EYA3: variants seen among roughly 807,000 people sequenced by gnomAD.
The protein encoded by EYA3 is protein phosphatase EYA3.
Under a neutral mutation model 80.0 loss-of-function variants are expected in EYA3, and 39 were observed. That is an observed-to-expected ratio of 0.49 (90% confidence interval 0.38 to 0.64). The LOEUF is 0.64. EYA3 is among the 30% of genes least tolerant of loss of function. The pLI is 0.00. For missense variants in EYA3, 523 were observed against 676.1 expected (o/e 0.77, Z 2.51); for synonymous variants, 206 against 232.8 (o/e 0.88, Z 1.05).
intron 6 of EYA3, among the ~76,000 whole-genome samples, chr1:28,028,194 T>A (rs1243960133): frequency 6.6e-6 from 1 of 152,156 alleles, no homozygotes; most frequent in Non-Finnish European, 1.5e-5. Context: ...TGGGGGAAAT[T>A]GACCAGGATT....
chr1:27,975,679 G>A (rs901400661), intron 17 of EYA3, among the ~76,000 whole-genome samples: 1 of 151,264 alleles, frequency 6.6e-6, no homozygotes, highest in African/African-American at 2.4e-5. Context: ...TAGAGATGGG[G>A]TTTCACCGTG....
Position 28,057,979 on chromosome 1 carries a change from A to C in EYA3, c.33+15T>G, listed in dbSNP as rs763289350. 6.5e-7 allele frequency: 1 copy of C among 1,548,496 alleles called. No individual in the cohort carries two copies. Among genetic ancestry groups the C allele is most frequent in the Non-Finnish European group, 8.8e-7 (1 of 1,134,100 alleles). ...CTTCTACAATCAACTTTAAACTGTTAAAGGAAATACTTACTGGTTGCTCTG... is the reference window on the plus strand; with the variant it reads ...CTTCTACAATCAACTTTAAACTGTTCAAGGAAATACTTACTGGTTGCTCTG... On this transcript the variant is annotated intron_variant, in intron 2 of 17. Transcript: ENST00000373871.
chr1:28,018,754 A>C (rs1340092211), intron 7 of EYA3, among the ~76,000 whole-genome samples: 2 of 152,262 alleles, frequency 1.3e-5, no homozygotes, highest in African/African-American at 4.8e-5. Context: ...GAAGAATTAA[A>C]GTAACTTGTC....
intron 1 of EYA3, among the ~76,000 whole-genome samples, chr1:28,073,151 T>C (rs1442870005): frequency 5.4e-4 from 52 of 96,512 alleles, no homozygotes; most frequent in South Asian, 1.3e-3. Context: ...TTTTTTTTTT[T>C]AGATAGAGTT....
At chr1:28,081,695 C>T (rs1645435211) in intron 1 of EYA3, among the ~76,000 whole-genome samples, 1 of 152,030 alleles carries the variant, frequency 6.6e-6, no homozygotes. Flanking sequence ...GGGAGGGGCA[C>T]AACAGGTGAA....
chr1:28,024,605 C>T (rs1240952323), intron 7 of EYA3, among the ~76,000 whole-genome samples: 1 of 147,514 alleles, frequency 6.8e-6, no homozygotes, highest in African/African-American at 2.5e-5. Flanking sequence ...TGTAGTGAGC[C>T]GAGAGCATGC....
In EYA3 at chr1:28,021,895, G is replaced by A. The variant is rs191957154; in HGVS notation, c.500-4656C>T. ...GCTGGGATTACAGGCATGAGCCACC[G>A]CGCCCAGCCTAAAATCATTATTTTC... On this transcript the variant is annotated intron_variant, in intron 7 of 17. Coordinates refer to ENST00000373871, the MANE Select transcript of EYA3 (RefSeq NM_001990.4). Among the ~76,000 whole-genome samples the A allele has an allele frequency of 9.2e-5, 14 of 152,116 alleles. No homozygotes were observed. The East Asian group carries it at 1.4e-3, about 15-fold the overall frequency.
intron 16 of EYA3, among the ~76,000 whole-genome samples, chr1:27,981,308 A>G (rs72875035): frequency 1.7e-3 from 263 of 152,300 alleles, no homozygotes; most frequent in African/African-American, 3.8e-3. Flanking sequence ...GACTGAGGAA[A>G]AATACCAAAT....
chr1:28,049,673 G>C (rs1201027310), intron 2 of EYA3, among the ~76,000 whole-genome samples: 1 of 152,090 alleles, frequency 6.6e-6, no homozygotes, highest in Non-Finnish European at 1.5e-5. Flanking sequence ...CAATGTATAC[G>C]ACTATCTCAC....
At chr1:28,066,624 CTA>C (rs1265250157) in intron 1 of EYA3, among the ~76,000 whole-genome samples, 1 of 151,662 alleles carries the variant, frequency 6.6e-6, no homozygotes, top group Non-Finnish European at 1.5e-5. Flanking sequence ...GCTTATCTCA[CTA>C]TGGAAAAGAG....
At chr1:28,035,981 A>G (rs904520701) in intron 5 of EYA3, among the ~76,000 whole-genome samples, 1 of 151,996 alleles carries the variant, frequency 6.6e-6, no homozygotes, top group Non-Finnish European at 1.5e-5. Flanking sequence ...TGCCTGGCTA[A>G]TTTTTGTATT....
At chr1:28,070,979 A>G (rs1196603346) in intron 1 of EYA3, among the ~76,000 whole-genome samples, 2 of 152,128 alleles carry the variant, frequency 1.3e-5, no homozygotes, top group Non-Finnish European at 2.9e-5. Context: ...CTGGAGTGCA[A>G]TGGCGCACTC....
intron 17 of EYA3, chr1:27,977,212 AG>A (rs1007000320): frequency 6.7e-7 from 1 of 1,501,948 alleles, no homozygotes; most frequent in Non-Finnish European, 8.9e-7. Context: ...TGAAAAAATA[AG>A]GATCCCTGAA....
intron 1 of EYA3, among the ~76,000 whole-genome samples, chr1:28,068,041 A>T (rs575265360): frequency 6.6e-6 from 1 of 152,316 alleles, no homozygotes; most frequent in African/African-American, 2.4e-5. Context: ...AATTGAGCAT[A>T]AAACCCTCCC....
chr1:28,061,630 C>T lies in EYA3; in HGVS notation c.-68-3536G>A, dbSNP rs148727882. On this transcript the variant is annotated intron_variant, in intron 1 of 17. Coordinates refer to ENST00000373871, the MANE Select transcript of EYA3 (RefSeq NM_001990.4). ...TCTTTTGTTTTTTGAGATGGAGTCT[C>T]GCTCTGTCGCCCAGGCTGGAGTGCA... Among the ~76,000 whole-genome samples the T allele has an allele frequency of 6.9e-3, 1,036 of 150,696 alleles. 5 individuals are homozygous for T. The highest frequency in any genetic ancestry group is 0.01 in the Non-Finnish European group (708 of 67,770).
intron 1 of EYA3, among the ~76,000 whole-genome samples, chr1:28,079,581 C>T (rs1645348024): frequency 6.6e-6 from 1 of 152,184 alleles, no homozygotes; most frequent in East Asian, 1.9e-4. Context: ...GATAGAAGCT[C>T]AGCATACAAC....
intron 1 of EYA3, among the ~76,000 whole-genome samples, chr1:28,083,113 G>A (rs1486884932): frequency 6.6e-6 from 1 of 152,176 alleles, no homozygotes; most frequent in Non-Finnish European, 1.5e-5. Context: ...GATTAACTCA[G>A]GAGCCAAAAA....
chr1:28,035,706 C>T, intron 5 of EYA3, 26 bp from the exon 6 acceptor site: 1 of 1,608,404 alleles, frequency 6.2e-7, no homozygotes, highest in Non-Finnish European at 8.5e-7. Context: ...AAAACAAAAA[C>T]TTTTGTGTGA....
At chr1:28,059,678 T>C (rs1264795280) in intron 1 of EYA3, among the ~76,000 whole-genome samples, 2 of 151,662 alleles carry the variant, frequency 1.3e-5, no homozygotes, top group Non-Finnish European at 2.9e-5. Context: ...ACCACATCAT[T>C]AGAGAAATGG....
Sources: gnomAD v4.1 joint callset for allele counts (sites outside exome capture counted in the v4.1 genomes callset) on GRCh38, gnomAD v4.1.1 for gene constraint, MANE v1.5 for transcripts, NCBI Gene and HGNC (gene_info 2026-07-23, HGNC 2026-07-21) for gene names.